Variants in MAPK14 observed in about 807,000 individuals in gnomAD.
MAPK14 encodes CSAID-binding protein.
Under a neutral mutation model 49.6 loss-of-function variants are expected in MAPK14, and 16 were observed. The ratio of observed to expected loss-of-function variants is 0.32; its 90% CI spans 0.22 to 0.49. The LOEUF (loss-of-function observed/expected upper bound fraction) is 0.49. Among genes scored for constraint, MAPK14 ranks in the 20% least tolerant of loss-of-function variants. The probability of loss-of-function intolerance (pLI) is 0.99; values close to 1 mark genes in which losing one functional copy is unlikely to be tolerated. For synonymous variants in MAPK14, 142 were observed against 158.0 expected, an observed-to-expected ratio of 0.90 and a Z score of 0.76; for missense variants, 200 against 441.2, an observed-to-expected ratio of 0.45 and a Z score of 4.90.
chr6:36,068,427 T>A (rs941790518), intron 3 of MAPK14, among the ~76,000 whole-genome samples: 1 of 152,082 alleles, frequency 6.6e-6, no homozygotes, highest in African/African-American at 2.4e-5. Flanking sequence ...GATCTGAGTT[T>A]TATTTCTAAA....
chr6:36,037,065 T>G (rs932231637), intron 1 of MAPK14, among the ~76,000 whole-genome samples: 1 of 152,170 alleles, frequency 6.6e-6, no homozygotes, highest in African/African-American at 2.4e-5. Flanking sequence ...TAAATTAAGG[T>G]ATGTGCATAT....
At chr6:36,100,181 A>G (rs201227594) in intron 9 of MAPK14, 7 of 1,594,570 alleles carry the variant, frequency 4.4e-6, no homozygotes, top group Non-Finnish European at 6.0e-6. Flanking sequence ...TTGACTAGGC[A>G]TCTAAGATAT....
At chr6:36,059,055 A>G (rs1763697548) in intron 2 of MAPK14, among the ~76,000 whole-genome samples, 1 of 151,892 alleles carries the variant, frequency 6.6e-6, no homozygotes, top group Non-Finnish European at 1.5e-5. Context: ...ACACCTGGCT[A>G]ATGTTTGTAT....
At chr6:36,121,623 C>T in the MAPK14 span, among the ~76,000 whole-genome samples, 3 of 152,336 alleles carry the variant, frequency 2.0e-5, no homozygotes, top group South Asian at 2.1e-4. Flanking sequence ...CACCTGTGCT[C>T]GGGCTGACAG....
chr6:36,040,008 AAAAAG>A (rs1187276958), intron 1 of MAPK14, among the ~76,000 whole-genome samples: 2 of 152,086 alleles, frequency 1.3e-5, no homozygotes, highest in African/African-American at 2.4e-5. Context: ...AAAAAAAAAA[AAAAAG>A]AAAGTATCAG....
intron 3 of MAPK14, among the ~76,000 whole-genome samples, chr6:36,070,498 G>C (rs1018890313): frequency 6.6e-6 from 1 of 152,224 alleles, no homozygotes; most frequent in Admixed American, 6.5e-5. Flanking sequence ...GCTTGCTGCA[G>C]TGCTGGACAC....
At chr6:36,123,807 C>T in the MAPK14 span, among the ~76,000 whole-genome samples, 1 of 152,296 alleles carries the variant, frequency 6.6e-6, no homozygotes, top group East Asian at 1.9e-4. Context: ...GACCTTACCC[C>T]AGCCACATCT....
intron 1 of MAPK14, among the ~76,000 whole-genome samples, chr6:36,029,818 T>C (rs1762465792): frequency 6.6e-6 from 1 of 151,996 alleles, no homozygotes; most frequent in Non-Finnish European, 1.5e-5. Context: ...TTTAAAGGAA[T>C]TTGCAGCATT....
At chr6:36,076,665 G>A (rs911736262) in intron 8 of MAPK14, 57 bp downstream of exon 8, 9 of 1,305,404 alleles carry the variant, frequency 6.9e-6, no homozygotes, top group South Asian at 1.2e-5. Context: ...GTGTCCATGG[G>A]TGTATACTCC....
At position 36,076,626 on chromosome 6, in the gene MAPK14, T is replaced by C; in HGVS notation, c.682+18T>C. On this transcript the variant is annotated intron_variant, in intron 8 of 11. Coordinates refer to ENST00000229794, the MANE Select transcript of MAPK14 (RefSeq NM_139012.3). ...TACAGACCGTATCCTTTAAAAAGTT[T>C]TGGATTCTTGTTTCTTATCTGTATT... is the stretch of plus-strand genomic sequence containing the variant. 2 of 1,598,360 alleles carry C rather than the reference T, an allele frequency of 1.3e-6. No individual in the cohort carries two copies. Among genetic ancestry groups the C allele is most frequent in the Non-Finnish European group, 1.7e-6 (2 of 1,165,772 alleles).
At chr6:36,085,651 C>T (rs1275145265) in intron 8 of MAPK14, among the ~76,000 whole-genome samples, 1 of 152,072 alleles carries the variant, frequency 6.6e-6, no homozygotes. Flanking sequence ...AATACAGGAG[C>T]ACCCAGATTT....
chr6:36,106,911 A>C (rs1159333471), intron 10 of MAPK14, among the ~76,000 whole-genome samples: 1 of 133,328 alleles, frequency 7.5e-6, no homozygotes, highest in Non-Finnish European at 1.6e-5. Flanking sequence ...TTAGGGGGAC[A>C]AAAAAAAAAC....
chr6:36,049,488 A>G (rs1763312275), intron 1 of MAPK14, among the ~76,000 whole-genome samples: 1 of 152,212 alleles, frequency 6.6e-6, no homozygotes, highest in Non-Finnish European at 1.5e-5. Context: ...AGAGCTTGAT[A>G]AAATACAGAT....
intron 9 of MAPK14, chr6:36,100,234 C>A (rs201060351): frequency 2.0e-5 from 32 of 1,613,826 alleles, no homozygotes; most frequent in Middle Eastern, 1.6e-4. Flanking sequence ...GAACACCCCC[C>A]GCTTATCTCA....
At chr6:36,030,182 A>G (rs1762484005) in intron 1 of MAPK14, among the ~76,000 whole-genome samples, 1 of 152,256 alleles carries the variant, frequency 6.6e-6, no homozygotes, top group South Asian at 2.1e-4. Context: ...ATTGCTTGCA[A>G]GGGTTCGCTA....
chr6:36,090,518 C>CCT (rs1313017296), intron 8 of MAPK14, among the ~76,000 whole-genome samples: 46 of 145,100 alleles, frequency 3.2e-4, no homozygotes, highest in African/African-American at 1.1e-3. Context: ...AAATATTCTC[C>CCT]CTCTCTCTCT....
chr6:36,098,076 G>A (rs1765507738), intron 9 of MAPK14: 1 of 151,736 alleles, frequency 6.6e-6, no homozygotes, highest in Non-Finnish European at 1.5e-5. Context: ...AATAAGGCCA[G>A]GTGAGTAAAA....
the MAPK14 span, among the ~76,000 whole-genome samples, chr6:36,122,193 C>A: frequency 6.6e-6 from 1 of 152,192 alleles, no homozygotes; most frequent in Non-Finnish European, 1.5e-5. Context: ...TCTATGTGTC[C>A]TGACATTGGA....
At chr6:36,031,465 G>A (rs895420158) in intron 1 of MAPK14, among the ~76,000 whole-genome samples, 1 of 151,968 alleles carries the variant, frequency 6.6e-6, no homozygotes, top group Non-Finnish European at 1.5e-5. Flanking sequence ...GAGTGCAGTG[G>A]CACCATCTCT....
Sources: gnomAD v4.1 joint callset for allele counts (sites outside exome capture counted in the v4.1 genomes callset) on GRCh38, gnomAD v4.1.1 for gene constraint, MANE v1.5 for transcripts, NCBI Gene and HGNC (gene_info 2026-07-23, HGNC 2026-07-21) for gene names.